UBE2D1: variants seen among roughly 807,000 people sequenced by gnomAD.
UBE2D1 encodes the protein ubiquitin-conjugating enzyme E2 D1.
Under a neutral mutation model 24.6 loss-of-function variants are expected in UBE2D1, and 9 were observed. The ratio of observed to expected loss-of-function variants is 0.37; its 90% CI spans 0.22 to 0.64. The LOEUF (loss-of-function observed/expected upper bound fraction) is 0.64. UBE2D1 is among the 30% of genes least tolerant of loss of function. The pLI, the probability that UBE2D1 is intolerant of heterozygous loss-of-function variation, is 0.64. For synonymous variants in UBE2D1, 57 were observed against 57.6 expected, an observed-to-expected ratio of 0.99 and a Z score of 0.04; for missense variants, 87 against 177.1, an observed-to-expected ratio of 0.49 and a Z score of 2.89.
intron 1 of UBE2D1, among the ~76,000 whole-genome samples, chr10:58,347,896 G>A (rs1301067943): frequency 2.0e-5 from 3 of 152,034 alleles, no homozygotes; most frequent in East Asian, 1.9e-4. Flanking sequence ...TGATCTCCCC[G>A]CCTTGGCCTC....
intron 1 of UBE2D1, among the ~76,000 whole-genome samples, chr10:58,358,824 A>G (rs538319576): frequency 6.6e-6 from 1 of 151,268 alleles, no homozygotes; most frequent in African/African-American, 2.4e-5. Flanking sequence ...GCAGAGGCCC[A>G]ATCATAGTTT....
At chr10:58,366,155 T>C (rs1840252914) in intron 5 of UBE2D1, among the ~76,000 whole-genome samples, 1 of 152,220 alleles carries the variant, frequency 6.6e-6, no homozygotes, top group African/African-American at 2.4e-5. Context: ...TGGATCTCAC[T>C]TGGCATATAA....
intron 1 of UBE2D1, among the ~76,000 whole-genome samples, chr10:58,347,194 C>G (rs978485999): frequency 6.6e-6 from 1 of 152,186 alleles, no homozygotes; most frequent in Non-Finnish European, 1.5e-5. Context: ...TTCTGGGACC[C>G]TTTCAGAGGG....
At chr10:58,367,545 G>C (rs1165147538) in intron 5 of UBE2D1, among the ~76,000 whole-genome samples, 1 of 152,100 alleles carries the variant, frequency 6.6e-6, no homozygotes, top group African/African-American at 2.4e-5. Context: ...CAAAGCAAAA[G>C]AGTGTATGAG....
chr10:58,347,008 G>A (rs1840024401), intron 1 of UBE2D1, among the ~76,000 whole-genome samples: 1 of 152,168 alleles, frequency 6.6e-6, no homozygotes. Context: ...AAGTATCACA[G>A]GCTCCCTGGT....
At chr10:58,360,324 C>T (rs1339029856) in intron 1 of UBE2D1, among the ~76,000 whole-genome samples, 2 of 152,006 alleles carry the variant, frequency 1.3e-5, no homozygotes, top group East Asian at 3.9e-4. Context: ...GTATGCCTTT[C>T]TTCTTTGGGA....
In UBE2D1 at chr10:58,361,645, G is replaced by C. The variant is rs1020681551; in HGVS notation, c.120+119G>C. 3.7e-6 allele frequency: 5 copies of C among 1,341,828 alleles called. No homozygotes were observed. The Admixed American group carries it at 9.6e-5, about 26-fold the overall frequency. The allele number at this position is 1,341,828 out of a possible 1,614,324, so 83.1% of individuals were successfully genotyped here. On this transcript the variant is annotated intron_variant, in intron 3 of 6. Transcript: ENST00000373910. ...ATATTCTTGTACTTTGAATCACCTA[G>C]GAAGCAAAATATTATTAAGGATTTA...
At chr10:58,341,342 G>A (rs573418458) in intron 1 of UBE2D1, among the ~76,000 whole-genome samples, 4 of 152,216 alleles carry the variant, frequency 2.6e-5, no homozygotes, top group East Asian at 1.9e-4. Context: ...AAAGAAGCAC[G>A]GTATTTATGC....
chr10:58,344,131 T>C (rs1054719713), intron 1 of UBE2D1, among the ~76,000 whole-genome samples: 1 of 152,266 alleles, frequency 6.6e-6, no homozygotes, highest in Non-Finnish European at 1.5e-5. Flanking sequence ...TAACCTTTTA[T>C]ATGATATAAG....
intron 1 of UBE2D1, chr10:58,360,921 C>CCA: frequency 2.5e-6 from 1 of 392,538 alleles, no homozygotes. Flanking sequence ...GATCCTGTCT[C>CCA]AAAAAAAAAA....
intron 6 of UBE2D1, 161 bp from the exon 7 acceptor site, chr10:58,368,559 T>C: frequency 2.5e-6 from 1 of 402,254 alleles, no homozygotes. Context: ...TTTTTCCTGT[T>C]TTATTTCTGC....
At chr10:58,347,868 C>T (rs1169021467) in intron 1 of UBE2D1, among the ~76,000 whole-genome samples, 2 of 152,118 alleles carry the variant, frequency 1.3e-5, no homozygotes, top group South Asian at 2.1e-4. Context: ...AGGCTGGTCT[C>T]GAACTCCTGA....
intron 4 of UBE2D1, chr10:58,364,515 T>C (rs41307530): frequency 0.046 from 14,554 of 315,258 alleles, 931 homozygotes; most frequent in African/African-American, 0.19. Context: ...TAGAGACTTA[T>C]TTATTACACT....
At chr10:58,348,585 T>G (rs534401242) in intron 1 of UBE2D1, among the ~76,000 whole-genome samples, 20 of 152,360 alleles carry the variant, frequency 1.3e-4, no homozygotes, top group African/African-American at 4.8e-4. Flanking sequence ...ATGGACTGTT[T>G]AATGTCCTTT....
intron 1 of UBE2D1, among the ~76,000 whole-genome samples, chr10:58,342,178 G>T (rs762820614): frequency 9.2e-5 from 14 of 152,166 alleles, no homozygotes; most frequent in Non-Finnish European, 1.9e-4. Context: ...GGAGGAAGCT[G>T]CTATCTAGAA....
chr10:58,348,293 T>C (rs1840037283), intron 1 of UBE2D1, among the ~76,000 whole-genome samples: 1 of 152,264 alleles, frequency 6.6e-6, no homozygotes, highest in Non-Finnish European at 1.5e-5. Context: ...GACATCTTTC[T>C]ATTGAAATAG....
intron 6 of UBE2D1, 51 bp downstream of exon 6, chr10:58,368,067 T>C (rs1840275870): frequency 8.0e-7 from 1 of 1,242,522 alleles, no homozygotes; most frequent in African/African-American, 1.5e-5. Context: ...CTATATAGTA[T>C]GCCAAAACAC....
chr10:58,364,747 T>C (rs1418536704), intron 4 of UBE2D1, 24 bp from the exon 5 acceptor site: 1 of 1,551,458 alleles, frequency 6.4e-7, no homozygotes, highest in African/African-American at 1.4e-5. Context: ...ATTGTCATAT[T>C]TTGTTGTTTT....
At chr10:58,353,527 A>G (rs1840099620) in intron 1 of UBE2D1, among the ~76,000 whole-genome samples, 1 of 152,172 alleles carries the variant, frequency 6.6e-6, no homozygotes, top group Non-Finnish European at 1.5e-5. Context: ...TAAATAAACA[A>G]TAAGGAATGT....
Sources: allele counts gnomAD v4.1 joint callset (sites outside exome capture counted in the v4.1 genomes callset), GRCh38; gene constraint gnomAD v4.1.1; transcripts MANE v1.5; gene names NCBI Gene and HGNC (gene_info 2026-07-23, HGNC 2026-07-21).